The following SHC3 variants were observed in gnomAD, a reference collection of about 807,000 sequenced individuals.
SHC3 encodes SHC adaptor protein 3, also known as SHC-transforming protein 3.
In SHC3, 15 loss-of-function variants were observed where a neutral mutation model predicts 60.4. That is an observed-to-expected ratio of 0.25 (90% confidence interval 0.17 to 0.38). The LOEUF (loss-of-function observed/expected upper bound fraction) is 0.38. Among genes scored for constraint, SHC3 ranks in the 10% least tolerant of loss-of-function variants. The pLI, the probability that SHC3 is intolerant of heterozygous loss-of-function variation, is 1.00. For missense variants in SHC3, 677 were observed against 786.1 expected (o/e 0.86, Z 1.66); for synonymous variants, 294 against 325.9 (o/e 0.90, Z 1.05).
At chr9:89,057,770 C>G (rs1476128482) in intron 6 of SHC3, among the ~76,000 whole-genome samples, 1 of 152,140 alleles carries the variant, frequency 6.6e-6, no homozygotes, top group Non-Finnish European at 1.5e-5. Context: ...AAATATACCT[C>G]TGTAGTGGAT....
intron 1 of SHC3, among the ~76,000 whole-genome samples, chr9:89,120,861 AT>A (rs1564159275): frequency 6.6e-6 from 1 of 151,944 alleles, no homozygotes; most frequent in Non-Finnish European, 1.5e-5. Flanking sequence ...ATTATTTAAA[AT>A]AAAATAAACA....
In SHC3 at chr9:89,013,531, G is replaced by A; in HGVS notation, c.1701C>T (p.Ile567=). 6.2e-7 allele frequency: 1 copy of A among 1,614,138 alleles called. No individual in the cohort carries two copies. Among genetic ancestry groups the A allele is most frequent in the South Asian group, 1.1e-5 (1 of 91,064 alleles). The change falls in exon 12 of 12, where the codon ATC becomes ATT. Residue 567 remains isoleucine, a synonymous_variant. Coordinates refer to ENST00000375835, the MANE Select transcript of SHC3 (RefSeq NM_016848.6). Reference sequence around the variant, plus strand: ...GCAGGCTGCTTTCTAGGTGGTGGTTGATGAGGTGGCTGATACTGTCAAAGA... The same window carrying A: ...GCAGGCTGCTTTCTAGGTGGTGGTTAATGAGGTGGCTGATACTGTCAAAGA... The part of the protein sequence containing the change: ...DRVFDSISHL[I]NHHLESSLPI...
intron 5 of SHC3, among the ~76,000 whole-genome samples, chr9:89,070,568 C>A (rs749780298): frequency 7.2e-5 from 11 of 152,308 alleles, no homozygotes; most frequent in Non-Finnish European, 8.8e-5. Flanking sequence ...TGCTGACATC[C>A]TATTGTAGCA....
chr9:89,050,615 A>G (rs1196879221), intron 7 of SHC3, among the ~76,000 whole-genome samples: 2 of 152,142 alleles, frequency 1.3e-5, no homozygotes, highest in Non-Finnish European at 2.9e-5. Context: ...CTTTCCATAC[A>G]TTTATTTATC....
chr9:89,053,160 A>G (rs1824888866), intron 6 of SHC3, among the ~76,000 whole-genome samples: 1 of 152,146 alleles, frequency 6.6e-6, no homozygotes, highest in South Asian at 2.1e-4. Flanking sequence ...TCTTTTTACC[A>G]ATGGGATAAA....
At chr9:89,157,851 G>A (rs541992405) in intron 1 of SHC3, among the ~76,000 whole-genome samples, 1 of 152,058 alleles carries the variant, frequency 6.6e-6, no homozygotes, top group South Asian at 2.1e-4. Context: ...CAAACTCTGA[G>A]CCTCAAGTGA....
At chr9:89,040,173 ACTATCAACAC>A in intron 10 of SHC3, among the ~76,000 whole-genome samples, 1 of 143,962 alleles carries the variant, frequency 6.9e-6, no homozygotes, top group Non-Finnish European at 1.5e-5. Flanking sequence ...CATCATCATC[ACTATCAACAC>A]CACCACCATC....
At chr9:89,129,173 T>C (rs1826206426) in intron 1 of SHC3, among the ~76,000 whole-genome samples, 1 of 152,062 alleles carries the variant, frequency 6.6e-6, no homozygotes, top group South Asian at 2.1e-4. Context: ...GAAGATCAAA[T>C]TAATGAAATG....
intron 6 of SHC3, 34 bp downstream of exon 6, chr9:89,065,495 A>C: frequency 2.5e-6 from 4 of 1,612,576 alleles, no homozygotes; most frequent in Non-Finnish European, 3.4e-6. Context: ...GGCTGTACAC[A>C]AACAAGAGAT....
At chr9:89,014,185 C>T (rs929167405) in intron 11 of SHC3, among the ~76,000 whole-genome samples, 2 of 152,202 alleles carry the variant, frequency 1.3e-5, no homozygotes, top group Non-Finnish European at 2.9e-5. Flanking sequence ...GAGGTACAGG[C>T]TCCGTGTTCC....
intron 1 of SHC3, among the ~76,000 whole-genome samples, chr9:89,172,123 A>G (rs923158419): frequency 1.4e-4 from 22 of 152,248 alleles, no homozygotes; most frequent in African/African-American, 5.3e-4. Context: ...CATGGCCTGT[A>G]ACCATGGAAA....
At chr9:89,052,239 C>T (rs1265778954) in intron 6 of SHC3, 76 bp from the exon 7 acceptor site, 21 of 1,575,090 alleles carry the variant, frequency 1.3e-5, no homozygotes, top group Middle Eastern at 2.1e-4. Flanking sequence ...AGAGCCCTTG[C>T]TGAGGACACA....
At chr9:89,051,631 G>A (rs1480220987) in intron 7 of SHC3, among the ~76,000 whole-genome samples, 2 of 152,194 alleles carry the variant, frequency 1.3e-5, no homozygotes, top group Admixed American at 6.5e-5. Flanking sequence ...GCCTCACGGA[G>A]GGGACCTCTT....
At chr9:89,117,485 G>A (rs989966968) in intron 1 of SHC3, among the ~76,000 whole-genome samples, 2 of 152,038 alleles carry the variant, frequency 1.3e-5, no homozygotes, top group Admixed American at 6.6e-5. Context: ...TTTCAATTCA[G>A]TTATTTATCT....
intron 2 of SHC3, chr9:89,109,411 G>A (rs867853313): frequency 6.1e-6 from 6 of 983,480 alleles, no homozygotes; most frequent in South Asian, 4.7e-5. Flanking sequence ...GAGTTGGGAC[G>A]GAATGTACAT....
chr9:89,008,596 T>G lies in SHC3; in HGVS notation c.*4851A>C, dbSNP rs531873616. The G allele has an allele frequency of 1.3e-5, 2 of 152,416 alleles. No individual in the cohort carries two copies. Among genetic ancestry groups the G allele is most frequent in the Non-Finnish European group, 2.9e-5 (2 of 68,106 alleles). 9.4% of individuals were successfully genotyped at this position (152,416 alleles called of 1,614,324 possible). The stretch of plus-strand genomic sequence containing the variant: ...TGATGCCTGCCTTCCACTCGAAGTC[T>G]GCTTGTCACGAACGCCTGTCTCAGC... On this transcript the variant is annotated 3_prime_UTR_variant, in exon 12 of 12. Transcript: ENST00000375835.
intron 7 of SHC3, among the ~76,000 whole-genome samples, chr9:89,050,900 G>A (rs911486418): frequency 6.6e-5 from 9 of 135,546 alleles, no homozygotes; most frequent in East Asian, 3.9e-4. Flanking sequence ...AGTTTCTTTC[G>A]TTCTTTTTTT....
intron 5 of SHC3, among the ~76,000 whole-genome samples, chr9:89,067,030 A>G (rs1825194834): frequency 6.6e-6 from 1 of 152,214 alleles, no homozygotes; most frequent in Non-Finnish European, 1.5e-5. Flanking sequence ...TTCCCCGGTC[A>G]TTCTGCAGGG....
chr9:89,147,833 C>T (rs777261819), intron 1 of SHC3, among the ~76,000 whole-genome samples: 10 of 152,106 alleles, frequency 6.6e-5, no homozygotes, highest in South Asian at 2.1e-4. Flanking sequence ...AGCTCACCTC[C>T]GAAATGTTGA....
Sources: allele counts gnomAD v4.1 joint callset (sites outside exome capture counted in the v4.1 genomes callset), GRCh38; gene constraint gnomAD v4.1.1; transcripts MANE v1.5; gene names NCBI Gene and HGNC (gene_info 2026-07-23, HGNC 2026-07-21).